The following UBE4A variants were observed in gnomAD, a reference collection of about 807,000 sequenced individuals.
The protein encoded by UBE4A is ubiquitin conjugation factor E4 A.
UBE4A carries 48 observed loss-of-function variants against 117.9 expected under a neutral mutation model. The observed-to-expected ratio is 0.41, with a 90% CI of 0.32 to 0.52. UBE4A has a LOEUF of 0.52. UBE4A is among the 20% of genes least tolerant of loss of function. The probability of loss-of-function intolerance (pLI) is 0.33; values close to 1 mark genes in which losing one functional copy is unlikely to be tolerated. For synonymous variants in UBE4A, 407 were observed against 450.0 expected (o/e 0.90, Z 1.21); for missense variants, 1,067 against 1,296.3 (o/e 0.82, Z 2.72).
chr11:118,391,357 C>T (rs781966901), intron 18 of UBE4A, among the ~76,000 whole-genome samples: 3 of 151,706 alleles, frequency 2.0e-5, no homozygotes, highest in African/African-American at 7.3e-5. Flanking sequence ...GGTGTGGTGG[C>T]AGGCGCCTGT....
At position 118,397,714 on chromosome 11, in the gene UBE4A, A is replaced by G. The variant is rs1245633807; in HGVS notation, c.*1274A>G. On this transcript the variant is annotated 3_prime_UTR_variant, in exon 20 of 20. Transcript: ENST00000252108. ...AAGCCCAGAGATGTCATAAGTGACA[A>G]GAAAAGTGATAGGATCAAGAAATGG... 2 of 152,232 alleles carry G rather than the reference A, an allele frequency of 1.3e-5. No homozygotes were observed. The highest frequency in any genetic ancestry group is 2.4e-5 in the African/African-American group (1 of 41,458). 9.4% of individuals were successfully genotyped at this position (152,232 alleles called of 1,614,324 possible).
chr11:118,382,916 G>T, intron 13 of UBE4A, 140 bp downstream of exon 13: 19 of 649,782 alleles, frequency 2.9e-5, no homozygotes, highest in Admixed American at 4.6e-5. Flanking sequence ...TTGATGATAA[G>T]TGCTTTTTTT....
chr11:118,365,299 G>T lies in UBE4A; in HGVS notation c.121+98G>T, dbSNP rs1350228485. On this transcript the variant is annotated intron_variant, in intron 2 of 19. Transcript: ENST00000252108. ...GTCCTTAATTGCAATTGGAATTTAA[G>T]TTTGGAACAAAAGTTGGTTTTTGTT... 23 of 1,419,096 alleles carry T rather than the reference G, an allele frequency of 1.6e-5. No individual in the cohort carries two copies. In the East Asian group the frequency reaches 6.1e-4, roughly 38 times the overall value. 87.9% of individuals were successfully genotyped at this position (1,419,096 alleles called of 1,614,324 possible).
chr11:118,367,006 C>G (rs1230701058), intron 2 of UBE4A, among the ~76,000 whole-genome samples: 1 of 152,166 alleles, frequency 6.6e-6, no homozygotes, highest in Non-Finnish European at 1.5e-5. Flanking sequence ...GAGTTTGAGA[C>G]CAGCCTGGCC....
intron 10 of UBE4A, among the ~76,000 whole-genome samples, chr11:118,377,700 C>G (rs1948665262): frequency 6.6e-6 from 1 of 151,336 alleles, no homozygotes; most frequent in East Asian, 2.0e-4. Context: ...ATCACTTGAG[C>G]CCAGGAGTTT....
chr11:118,372,031 A>C (rs1948614240), intron 5 of UBE4A, among the ~76,000 whole-genome samples: 1 of 152,204 alleles, frequency 6.6e-6, no homozygotes, highest in African/African-American at 2.4e-5. Flanking sequence ...AGGCCGATGC[A>C]GGCGGATCAC....
At chr11:118,376,547 C>G in intron 9 of UBE4A, 27 bp from the exon 10 acceptor site, 1 of 1,606,378 alleles carries the variant, frequency 6.2e-7, no homozygotes, top group East Asian at 2.2e-5. Flanking sequence ...GACATTTACC[C>G]TCTTTTTTTT....
At chr11:118,376,769 G>T (rs1948656276) in intron 10 of UBE4A, 75 bp downstream of exon 10, 2 of 1,537,454 alleles carry the variant, frequency 1.3e-6, no homozygotes, top group Non-Finnish European at 1.8e-6. Context: ...TGAGTCTTTG[G>T]CCAGGCACAG....
At position 118,365,034 on chromosome 11, in the gene UBE4A, G is replaced by C; in HGVS notation, c.-41-6G>C. The C allele has an allele frequency of 6.2e-7, 1 of 1,600,086 alleles. No individual in the cohort carries two copies. Among genetic ancestry groups the C allele is most frequent in the East Asian group, 2.3e-5 (1 of 44,178 alleles). On this transcript the variant is annotated splice_polypyrimidine_tract_variant and splice_region_variant and intron_variant, in intron 1 of 19. Coordinates refer to ENST00000252108, the MANE Select transcript of UBE4A (RefSeq NM_001204077.2). The stretch of plus-strand genomic sequence containing the variant: ...CTCTTGTGTCTAATACCTGTCCTTT[G>C]AACAGCCTCTCCCACTAGGTCTGGA...
chr11:118,381,388 CA>C lies in UBE4A; in HGVS notation c.1877-2del. The C allele has an allele frequency of 6.2e-7, 1 of 1,613,270 alleles. No individual in the cohort carries two copies. Among genetic ancestry groups the C allele is most frequent in the Non-Finnish European group, 8.5e-7 (1 of 1,179,662 alleles). ...TAATTCCAGTGAATATTTTCTTTTTCAGAATTTTTTGCAGATAACCTGGGTG... is the reference window on the plus strand; with the variant it reads ...TAATTCCAGTGAATATTTTCTTTTTCGAATTTTTTGCAGATAACCTGGGTG... On this transcript the variant is annotated splice_acceptor_variant, in intron 11 of 19. Transcript: ENST00000252108. LOFTEE classifies it high-confidence loss of function.
intron 1 of UBE4A, 98 bp from the exon 2 acceptor site, chr11:118,364,942 T>G: frequency 1.8e-6 from 2 of 1,134,138 alleles, no homozygotes; most frequent in Non-Finnish European, 2.3e-6. Flanking sequence ...TATTTTAAAA[T>G]GTATTGTATT....
chr11:118,378,845 A>G (rs782292469), intron 10 of UBE4A: 1 of 152,418 alleles, frequency 6.6e-6, no homozygotes, highest in Non-Finnish European at 1.5e-5. Flanking sequence ...ACTTTGAATT[A>G]TGTGTCTTCC....
In UBE4A at chr11:118,379,619, A is replaced by G; in HGVS notation, c.1745A>G (p.Gln582Arg). Residue 582 changes from glutamine to arginine, a missense_variant, in exon 11 of 20, where the codon CAA (glutamine) becomes CGA (arginine). Physicochemically the swap from Gln to Arg is conservative, Grantham distance 43. Transcript: ENST00000252108. ...KTAMTEPQML[Q>R]NCLNLQVSMA... ...GCCATGACAGAGCCACAAATGCTACAAAACTGCCTAAACTTGCAGGTGTCC... is the reference window on the plus strand; with the variant it reads ...GCCATGACAGAGCCACAAATGCTACGAAACTGCCTAAACTTGCAGGTGTCC... 6.2e-7 allele frequency: 1 copy of G among 1,614,238 alleles called. No individual in the cohort carries two copies. Among genetic ancestry groups the G allele is most frequent in the Non-Finnish European group, 8.5e-7 (1 of 1,180,040 alleles).
intron 2 of UBE4A, 130 bp from the exon 3 acceptor site, chr11:118,368,500 TC>T: frequency 9.5e-7 from 1 of 1,047,918 alleles, no homozygotes; most frequent in Non-Finnish European, 1.4e-6. Flanking sequence ...CTTGAGATGT[TC>T]ACTAATTAGA....
intron 4 of UBE4A, among the ~76,000 whole-genome samples, chr11:118,370,815 G>A (rs929462074): frequency 6.6e-6 from 1 of 152,120 alleles, no homozygotes; most frequent in Non-Finnish European, 1.5e-5. Context: ...GAGAAAACCT[G>A]AGAGGTGTCC....
chr11:118,391,481 T>TAA (rs1948816531), intron 18 of UBE4A, among the ~76,000 whole-genome samples: 1 of 143,236 alleles, frequency 7.0e-6, no homozygotes, highest in African/African-American at 2.6e-5. Context: ...AGATTCCATC[T>TAA]CAAAAAAAAA....
chr11:118,365,284 G>A, intron 2 of UBE4A, 83 bp downstream of exon 2: 1 of 1,430,336 alleles, frequency 7.0e-7, no homozygotes, highest in Non-Finnish European at 9.2e-7. Context: ...GTCCTTAATT[G>A]CAATTGGAAT....
At position 118,379,527 on chromosome 11, in the gene UBE4A, C is replaced by A; in HGVS notation, c.1653C>A (p.Ser551Arg). Residue 551 changes from serine to arginine, a missense_variant, in exon 11 of 20, where the codon AGC becomes AGA. Ser to Arg is a moderately radical substitution (Grantham distance 110). Around this residue, in one of 3 missense-constraint regions of UBE4A, gnomAD observed 1,001 missense variants for 1,184.0 expected, o/e 0.85. Transcript: ENST00000252108. ...VAWRDAQQSSSPAADNLREQF... is the reference protein window; with the variant it reads ...VAWRDAQQSSRPAADNLREQF... Reference sequence around the variant, plus strand: ...GGCGGGATGCTCAGCAAAGTTCTAGCCCTGCTGCTGACAATCTTCGTGAGC... The same window carrying A: ...GGCGGGATGCTCAGCAAAGTTCTAGACCTGCTGCTGACAATCTTCGTGAGC... 6.2e-7 allele frequency: 1 copy of A among 1,614,210 alleles called. No individual in the cohort carries two copies. Among genetic ancestry groups the A allele is most frequent in the Non-Finnish European group, 8.5e-7 (1 of 1,180,026 alleles).
At position 118,375,247 on chromosome 11, in the gene UBE4A, T is replaced by G; in HGVS notation, c.1450+18T>G. 2 of 1,564,324 alleles carry G rather than the reference T, an allele frequency of 1.3e-6. No individual in the cohort carries two copies. Among genetic ancestry groups the G allele is most frequent in the Non-Finnish European group, 1.7e-6 (2 of 1,150,012 alleles). ...CATGAGAGGTAGGAGAGAACCAGGCTTCTCAAAACTGTGTGTGTGTGTGTG... is the reference window on the plus strand; with the variant it reads ...CATGAGAGGTAGGAGAGAACCAGGCGTCTCAAAACTGTGTGTGTGTGTGTG... On this transcript the variant is annotated intron_variant, in intron 9 of 19. Coordinates refer to ENST00000252108, the MANE Select transcript of UBE4A (RefSeq NM_001204077.2).
Sources: allele counts gnomAD v4.1 joint callset (sites outside exome capture counted in the v4.1 genomes callset), GRCh38; gene constraint gnomAD v4.1.1; regional missense constraint gnomAD v4.1.1; transcripts MANE v1.5; gene names NCBI Gene and HGNC (gene_info 2026-07-23, HGNC 2026-07-21).